Variants in RALYL observed in about 807,000 individuals in gnomAD.
RALYL encodes RNA-binding Raly-like protein.
A neutral mutation model predicts 35.1 loss-of-function variants in RALYL; 29 were observed. The observed-to-expected ratio is 0.83, with a 90% CI of 0.61 to 1.13. The LOEUF is 1.13. Among genes scored for constraint, RALYL ranks in the 50% most tolerant of loss-of-function variants. The pLI is 0.00. For missense variants in RALYL, 359 were observed against 360.4 expected (o/e 1.00, Z 0.03); for synonymous variants, 120 against 127.6 (o/e 0.94, Z 0.40).
At chr8:84,574,549 CCT>C (rs1012481120) in intron 2 of RALYL, among the ~76,000 whole-genome samples, 2 of 151,990 alleles carry the variant, frequency 1.3e-5, no homozygotes, top group Admixed American at 1.3e-4. Flanking sequence ...ACTAATTATC[CCT>C]CTCTCTACCT....
intron 8 of RALYL, among the ~76,000 whole-genome samples, chr8:84,888,789 C>A (rs10085930): frequency 0.46 from 69,626 of 151,760 alleles, 18,977 homozygotes; most frequent in African/African-American, 0.75. Context: ...TCACTCTGTC[C>A]CCCAGGCTGG....
intron 1 of RALYL, among the ~76,000 whole-genome samples, chr8:84,248,101 G>T (rs1292679507): frequency 3.3e-5 from 5 of 152,020 alleles, no homozygotes; most frequent in Non-Finnish European, 7.4e-5. Context: ...CCTTTAATTT[G>T]CTTAGGGGAG....
In RALYL at chr8:84,655,095, C is replaced by T. The variant is rs547972064; in HGVS notation, c.257-119484C>T. ...GTTTTCCTTTCTGCTACATGCTCAC[C>T]AGGATTCATTATTGCCTAGCTTTTG... On this transcript the variant is annotated intron_variant, in intron 2 of 8. Transcript: ENST00000521268. 5.3e-5 allele frequency among the ~76,000 whole-genome samples: 8 copies of T among 152,138 alleles called. No individual in the cohort carries two copies. In the South Asian group the frequency reaches 1.7e-3, roughly 32 times the overall value.
In RALYL at chr8:84,607,177, C is replaced by A. The variant is rs558923247; in HGVS notation, c.256+77600C>A. Among the ~76,000 whole-genome samples, 3 of 152,108 alleles carry A rather than the reference C, an allele frequency of 2.0e-5. No individual in the cohort carries two copies. In the East Asian group the frequency reaches 5.8e-4, roughly 29 times the overall value. ...TTTCTTCTTCCTTCTCTTTTCCCCCCCCTTTTCTTCCTGCTTCTTTCTCCC... is the reference window on the plus strand; with the variant it reads ...TTTCTTCTTCCTTCTCTTTTCCCCCACCTTTTCTTCCTGCTTCTTTCTCCC... On this transcript the variant is annotated intron_variant, in intron 2 of 8. Coordinates refer to ENST00000521268, the MANE Select transcript of RALYL (RefSeq NM_173848.7).
chr8:84,248,047 TACA>T (rs1829460336), intron 1 of RALYL, among the ~76,000 whole-genome samples: 1 of 152,152 alleles, frequency 6.6e-6, no homozygotes, highest in African/African-American at 2.4e-5. Flanking sequence ...TCATGATAAT[TACA>T]ACAATAATAT....
chr8:84,435,586 A>G (rs1428927654), intron 1 of RALYL, among the ~76,000 whole-genome samples: 3 of 152,170 alleles, frequency 2.0e-5, no homozygotes, highest in Non-Finnish European at 4.4e-5. Flanking sequence ...TTTACTACCC[A>G]CCATATAACA....
chr8:84,581,029 G>T (rs1810701135), intron 2 of RALYL, among the ~76,000 whole-genome samples: 1 of 152,066 alleles, frequency 6.6e-6, no homozygotes, highest in Non-Finnish European at 1.5e-5. Context: ...AACTACATGT[G>T]GCCTCTCCAT....
chr8:84,621,195 G>A (rs1431881028), intron 2 of RALYL, among the ~76,000 whole-genome samples: 1 of 152,154 alleles, frequency 6.6e-6, no homozygotes, highest in Non-Finnish European at 1.5e-5. Flanking sequence ...CAGCCTTGCT[G>A]CCCCCTTGCA....
At chr8:84,575,700 T>C (rs1037496483) in intron 2 of RALYL, among the ~76,000 whole-genome samples, 2 of 152,324 alleles carry the variant, frequency 1.3e-5, no homozygotes, top group Middle Eastern at 3.4e-3. Context: ...GGGGATTTTA[T>C]CTCATTGGCA....
chr8:84,810,572 C>T (rs575709204), intron 4 of RALYL, among the ~76,000 whole-genome samples: 45 of 152,228 alleles, frequency 3.0e-4, no homozygotes, highest in Middle Eastern at 3.4e-3. Flanking sequence ...CTGTCTAGTG[C>T]TGTCAGTGGA....
intron 1 of RALYL, among the ~76,000 whole-genome samples, chr8:84,275,242 G>A (rs1275742993): frequency 2.6e-5 from 4 of 151,894 alleles, no homozygotes; most frequent in African/African-American, 9.7e-5. Flanking sequence ...TGAAATCTTA[G>A]CTTGCTATTT....
intron 2 of RALYL, among the ~76,000 whole-genome samples, chr8:84,703,084 G>T (rs922524813): frequency 1.3e-5 from 2 of 151,966 alleles, no homozygotes; most frequent in Non-Finnish European, 2.9e-5. Context: ...CGGAATGAAG[G>T]TTCCCCAGGT....
intron 1 of RALYL, among the ~76,000 whole-genome samples, chr8:84,219,264 A>G (rs1821602245): frequency 6.6e-6 from 1 of 152,016 alleles, no homozygotes; most frequent in Non-Finnish European, 1.5e-5. Flanking sequence ...GAGTTCTCAC[A>G]AGAACTGATG....
chr8:84,213,402 A>T (rs1253094745), intron 1 of RALYL, among the ~76,000 whole-genome samples: 1 of 152,218 alleles, frequency 6.6e-6, no homozygotes, highest in Non-Finnish European at 1.5e-5. Context: ...TCTCAACAAC[A>T]ACAAATAAAT....
chr8:84,708,370 C>T (rs1486798074), intron 2 of RALYL, among the ~76,000 whole-genome samples: 2 of 152,014 alleles, frequency 1.3e-5, no homozygotes, highest in African/African-American at 4.8e-5. Flanking sequence ...GGGAAGAGTG[C>T]CCATTGCCTT....
At chr8:84,918,647 CCT>C (rs1205004778) in intron 8 of RALYL, among the ~76,000 whole-genome samples, 2 of 152,092 alleles carry the variant, frequency 1.3e-5, no homozygotes, top group Non-Finnish European at 1.5e-5. Context: ...CATAGTTTGT[CCT>C]CTTTCTCCCA....
chr8:84,470,694 G>C (rs1174578768), intron 1 of RALYL, among the ~76,000 whole-genome samples: 2 of 152,124 alleles, frequency 1.3e-5, no homozygotes, highest in Non-Finnish European at 2.9e-5. Flanking sequence ...TAGCTCTTAT[G>C]ATATGCCAGC....
intron 2 of RALYL, among the ~76,000 whole-genome samples, chr8:84,642,639 A>G (rs1826613436): frequency 1.3e-5 from 2 of 152,070 alleles, no homozygotes. Context: ...CATACTATGT[A>G]ACCAGCTGGA....
chr8:84,189,211 A>G (rs763821572), intron 1 of RALYL, among the ~76,000 whole-genome samples: 14 of 152,192 alleles, frequency 9.2e-5, no homozygotes, highest in Non-Finnish European at 2.1e-4. Context: ...ATACAATAGC[A>G]TGCATCACTA....
Sources: allele counts gnomAD v4.1 joint callset (sites outside exome capture counted in the v4.1 genomes callset), GRCh38; gene constraint gnomAD v4.1.1; transcripts MANE v1.5; gene names NCBI Gene and HGNC (gene_info 2026-07-23, HGNC 2026-07-21).